Variants in GFI1B observed in about 807,000 individuals in gnomAD.
GFI1B encodes growth factor independent 1B transcriptional repressor.
In GFI1B, 20 loss-of-function variants were observed where a neutral mutation model predicts 35.3. That is an observed-to-expected ratio of 0.57 (90% CI 0.40 to 0.82). The LOEUF is 0.82. GFI1B is among the 40% of genes least tolerant of loss of function. The pLI, the probability that GFI1B is intolerant of heterozygous loss-of-function variation, is 0.00. For missense variants in GFI1B, 430 were observed against 446.3 expected (o/e 0.96, Z 0.33); for synonymous variants, 178 against 177.6 (o/e 1.00, Z -0.02).
chr9:132,965,936 G>A (rs1210915886), intron 1 of GFI1B, among the ~76,000 whole-genome samples: 2 of 152,142 alleles, frequency 1.3e-5, no homozygotes, highest in African/African-American at 4.8e-5. Flanking sequence ...ATGAGTTCTG[G>A]CACATGTTTA....
intron 1 of GFI1B, among the ~76,000 whole-genome samples, chr9:132,986,295 G>C (rs1849057878): frequency 6.7e-6 from 1 of 148,606 alleles, no homozygotes; most frequent in Non-Finnish European, 1.5e-5. Context: ...TCTGGCGGCT[G>C]TCGGCACTGC....
chr9:132,950,222 C>T (rs570033958), intron 1 of GFI1B, among the ~76,000 whole-genome samples: 1 of 152,184 alleles, frequency 6.6e-6, no homozygotes, highest in Non-Finnish European at 1.5e-5. Flanking sequence ...GATGGCCAAA[C>T]ATGCTTTCCT....
exon 1 of GFI1B, chr9:132,945,627 G>A (rs142863012): frequency 1.1e-3 from 177 of 154,304 alleles, no homozygotes; most frequent in Non-Finnish European, 1.5e-3. Context: ...AGATGAAGTC[G>A]AACTGTGGGA....
chr9:132,958,297 C>G (rs746412485), intron 1 of GFI1B, among the ~76,000 whole-genome samples: 7 of 152,004 alleles, frequency 4.6e-5, no homozygotes, highest in Non-Finnish European at 1.5e-5. Context: ...TGCGTTGCTA[C>G]AAAGAAATAT....
chr9:132,965,776 C>T (rs1408459141), intron 1 of GFI1B, among the ~76,000 whole-genome samples: 1 of 152,192 alleles, frequency 6.6e-6, no homozygotes, highest in Non-Finnish European at 1.5e-5. Context: ...CCTGCCGACA[C>T]CTTGATTTCC....
Position 132,985,934 on chromosome 9 carries a change from G to A in GFI1B, c.-20-725G>A, listed in dbSNP as rs1475747789. Reference sequence around the variant, plus strand: ...ATTGGGGTCCACTGTGTGTCACAGAGGGAGACCCCAGTCCCTGCCTTTCCT... The same window carrying A: ...ATTGGGGTCCACTGTGTGTCACAGAAGGAGACCCCAGTCCCTGCCTTTCCT... On this transcript the variant is annotated intron_variant, in intron 1 of 6. Transcript: ENST00000372122. Among the ~76,000 whole-genome samples, 17 of 152,196 alleles carry A rather than the reference G, an allele frequency of 1.1e-4. 1 individual carries two copies. Among genetic ancestry groups the A allele is most frequent in the Admixed American group, 1.1e-3 (17 of 15,276 alleles).
chr9:132,958,210 G>A (rs1848311777), intron 1 of GFI1B, among the ~76,000 whole-genome samples: 1 of 152,180 alleles, frequency 6.6e-6, no homozygotes, highest in Admixed American at 6.6e-5. Context: ...CAGTACTCCA[G>A]GGGAATGGTG....
rs796377326 is a variant in GFI1B, at chr9:132,958,654, T to A, written c.-701+12985T>A. Reference sequence around the variant, plus strand: ...CAATATTGGGGATTACATGTCAGCATGAGATTTGGGCAGGGACACACATCC... The same window carrying A: ...CAATATTGGGGATTACATGTCAGCAAGAGATTTGGGCAGGGACACACATCC... On this transcript the variant is annotated intron_variant, in intron 1 of 10. Coordinates refer to the GFI1B transcript ENST00000339463. 1.2e-4 allele frequency among the ~76,000 whole-genome samples: 19 copies of A among 152,260 alleles called. 1 individual carries two copies. The highest frequency in any genetic ancestry group is 4.3e-4 in the African/African-American group (18 of 41,572).
chr9:132,970,402 A>T (rs1281028996), intron 1 of GFI1B, among the ~76,000 whole-genome samples: 2 of 152,010 alleles, frequency 1.3e-5, no homozygotes, highest in East Asian at 3.9e-4. Flanking sequence ...GGAGATTTGT[A>T]CCCTCCTAAG....
At chr9:132,976,681 A>G (rs1848640815), upstream of GFI1B, 1 of 152,230 alleles carries the variant, frequency 6.6e-6, no homozygotes, top group Non-Finnish European at 1.5e-5. Flanking sequence ...TTGACATTGC[A>G]TTCTCTGAAT....
intron 2 of GFI1B, among the ~76,000 whole-genome samples, chr9:132,973,476 C>T (rs1848569811): frequency 6.6e-6 from 1 of 152,220 alleles, no homozygotes; most frequent in Non-Finnish European, 1.5e-5. Context: ...ACGTTCCTGC[C>T]CTTAAGGAGC....
At chr9:132,983,994 T>C (rs996040564) in intron 1 of GFI1B, among the ~76,000 whole-genome samples, 3 of 152,196 alleles carry the variant, frequency 2.0e-5, no homozygotes, top group Non-Finnish European at 4.4e-5. Context: ...AGCATCAGAA[T>C]TAAAGGTGTA....
intron 6 of GFI1B, 114 bp from the exon 7 acceptor site, chr9:132,990,758 G>A: frequency 1.1e-6 from 1 of 877,618 alleles, no homozygotes; most frequent in South Asian, 1.4e-5. Context: ...TTGGCCATGA[G>A]AGAAAACACA....
In GFI1B at chr9:132,989,307, CAG is replaced by C; in HGVS notation, c.648+111_648+112del. 8.8e-7 allele frequency: 1 copy of C among 1,134,850 alleles called. No homozygotes were observed. Among genetic ancestry groups the C allele is most frequent in the Non-Finnish European group, 1.3e-6 (1 of 769,328 alleles). The allele number at this position is 1,134,850 out of a possible 1,614,324, so 70.3% of individuals were successfully genotyped here. On this transcript the variant is annotated intron_variant, in intron 5 of 6. Transcript: ENST00000372122. The surrounding 1 kb of genome is among the most constrained non-coding windows in gnomAD (Gnocchi z 6.2). ...CCTCCCCCTGCCCCTGGGGGTGACA[CAG>C]ATTGGGAGGGGTCCCCTAGTACCCA... is the stretch of plus-strand genomic sequence containing the variant.
At chr9:132,978,209 AAAG>A (rs1162271198), upstream of GFI1B, among the ~76,000 whole-genome samples, 1 of 150,188 alleles carries the variant, frequency 6.7e-6, no homozygotes, top group African/African-American at 2.5e-5. Flanking sequence ...GGAGGGAAGG[AAAG>A]AAGGAGGGAG....
At chr9:132,956,626 A>C (rs1848287504) in intron 1 of GFI1B, among the ~76,000 whole-genome samples, 1 of 152,234 alleles carries the variant, frequency 6.6e-6, no homozygotes, top group Non-Finnish European at 1.5e-5. Context: ...TAACACATAT[A>C]TTTCAGGCCT....
chr9:132,992,957 T>A (rs978995695), downstream of GFI1B, among the ~76,000 whole-genome samples: 4 of 151,852 alleles, frequency 2.6e-5, no homozygotes, highest in African/African-American at 9.7e-5. Flanking sequence ...CATTCTCCCA[T>A]TTTACAGATG....
upstream of GFI1B, among the ~76,000 whole-genome samples, chr9:132,976,966 A>AATG (rs1210541528): frequency 6.6e-6 from 1 of 151,990 alleles, no homozygotes; most frequent in Non-Finnish European, 1.5e-5. Context: ...TAATAATAAT[A>AATG]ATTTTCTTGA....
intron 1 of GFI1B, among the ~76,000 whole-genome samples, chr9:132,969,607 G>T (rs1275579039): frequency 4.6e-5 from 7 of 152,216 alleles, no homozygotes; most frequent in Non-Finnish European, 1.0e-4. Flanking sequence ...GGTGTGCAAA[G>T]ATCTTTCCGC....
Sources: gnomAD v4.1 joint callset for allele counts (sites outside exome capture counted in the v4.1 genomes callset) on GRCh38, gnomAD v4.1.1 for gene constraint, Gnocchi (gnomAD v3.1) non-coding constraint, MANE v1.5 for transcripts, NCBI Gene and HGNC (gene_info 2026-07-23, HGNC 2026-07-21) for gene names.